PHF24: variants seen among roughly 807,000 people sequenced by gnomAD.
PHF24 encodes the protein PHD finger protein 24, also known as Galpha inhibitory interacting protein.
Under a neutral mutation model 42.6 loss-of-function variants are expected in PHF24, and 25 were observed. The observed-to-expected ratio is 0.59, with a 90% CI of 0.43 to 0.82. PHF24 has a LOEUF of 0.82. PHF24 is among the 40% of genes least tolerant of loss of function. The pLI is 0.00. For missense variants in PHF24, 470 were observed against 538.1 expected (o/e 0.87, Z 1.25); for synonymous variants, 185 against 204.8 (o/e 0.90, Z 0.83).
chr9:34,669,422 CCA>C, the PHF24 span, among the ~76,000 whole-genome samples: 2 of 151,860 alleles, frequency 1.3e-5, no homozygotes, highest in African/African-American at 4.8e-5. Flanking sequence ...AGGAGTGTTG[CCA>C]CACACACAAG....
At chr9:34,691,017 G>C in the PHF24 span, 28 of 1,327,852 alleles carry the variant, frequency 2.1e-5, no homozygotes, top group Non-Finnish European at 2.8e-5. Flanking sequence ...CCAGTGCCAA[G>C]CAATCTGAGA....
chr9:34,847,725 T>C, the PHF24 span, among the ~76,000 whole-genome samples: 2 of 152,014 alleles, frequency 1.3e-5, no homozygotes, highest in African/African-American at 4.8e-5. Context: ...CAGTGTGATA[T>C]TGGCTGTGGG....
chr9:34,688,570 C>A, the PHF24 span, among the ~76,000 whole-genome samples: 2 of 152,168 alleles, frequency 1.3e-5, no homozygotes, highest in African/African-American at 4.8e-5. Context: ...GCTTCCCTGG[C>A]TACTCCTTCT....
At chr9:34,846,318 G>T in the PHF24 span, among the ~76,000 whole-genome samples, 1 of 152,092 alleles carries the variant, frequency 6.6e-6, no homozygotes, top group African/African-American at 2.4e-5. Flanking sequence ...GTATCTCATT[G>T]TGGTTTTGAT....
chr9:34,865,143 CAA>C, the PHF24 span, among the ~76,000 whole-genome samples: 24 of 102,800 alleles, frequency 2.3e-4, no homozygotes, highest in African/African-American at 3.4e-4. Flanking sequence ...TGCGCCACTG[CAA>C]AAAAAAAAAA....
chr9:34,701,381 CG>C, the PHF24 span, among the ~76,000 whole-genome samples: 3 of 152,128 alleles, frequency 2.0e-5, no homozygotes, highest in Admixed American at 6.5e-5. The surrounding 1 kb of genome is among the most constrained non-coding windows in gnomAD (Gnocchi z 5.8). Context: ...TCTGGGCGAC[CG>C]GGGCATGTGT....
At chr9:34,874,371 A>T in the PHF24 span, among the ~76,000 whole-genome samples, 1 of 152,094 alleles carries the variant, frequency 6.6e-6, no homozygotes, top group Non-Finnish European at 1.5e-5. Context: ...ACTCTCAATA[A>T]ATTAGGTATT....
the PHF24 span, chr9:34,729,617 T>A: frequency 1.7e-6 from 1 of 575,470 alleles, no homozygotes; most frequent in Non-Finnish European, 2.9e-6. Flanking sequence ...ATGTGGTGAT[T>A]CAGTCTGTAG....
chr9:34,833,488 C>T, the PHF24 span: 2 of 1,551,046 alleles, frequency 1.3e-6, no homozygotes, highest in East Asian at 4.9e-5. Context: ...GGAGCAATGT[C>T]TCCCCTTGGT....
chr9:34,693,350 G>A, the PHF24 span, among the ~76,000 whole-genome samples: 1 of 152,220 alleles, frequency 6.6e-6, no homozygotes, highest in East Asian at 1.9e-4. Flanking sequence ...ATCAGTGGTG[G>A]AAGGAGAGAG....
chr9:34,828,274 G>C, the PHF24 span, among the ~76,000 whole-genome samples: 1 of 152,052 alleles, frequency 6.6e-6, no homozygotes, highest in Non-Finnish European at 1.5e-5. Context: ...ACCAGTGTCT[G>C]TACTTTTAGC....
the PHF24 span, among the ~76,000 whole-genome samples, chr9:34,934,550 C>G: frequency 6.6e-6 from 1 of 150,920 alleles, no homozygotes; most frequent in Admixed American, 6.6e-5. Context: ...CTACTCTCAG[C>G]AAAGGCTGAA....
chr9:34,974,294 C>T (rs1383021450), intron 3 of PHF24, among the ~76,000 whole-genome samples: 1 of 152,224 alleles, frequency 6.6e-6, no homozygotes, highest in African/African-American at 2.4e-5. Flanking sequence ...CAGTCACCTC[C>T]TAATTGTCAA....
chr9:34,723,978 G>A, the PHF24 span: 2 of 1,550,634 alleles, frequency 1.3e-6, no homozygotes, highest in African/African-American at 1.4e-5. Flanking sequence ...TTGTTTGGAA[G>A]CATCCCTGCT....
intron 1 of PHF24, among the ~76,000 whole-genome samples, chr9:34,961,259 T>A (rs909302241): frequency 4.6e-5 from 7 of 152,200 alleles, no homozygotes; most frequent in Non-Finnish European, 8.8e-5. Context: ...CCAAATTGAT[T>A]TATTCATTTC....
the PHF24 span, among the ~76,000 whole-genome samples, chr9:34,702,625 C>T: frequency 6.6e-6 from 1 of 152,242 alleles, no homozygotes; most frequent in South Asian, 2.1e-4. Flanking sequence ...CATACAATTC[C>T]CCTTAAAGTA....
chr9:34,853,517 G>A, the PHF24 span, among the ~76,000 whole-genome samples: 1 of 152,096 alleles, frequency 6.6e-6, no homozygotes, highest in Non-Finnish European at 1.5e-5. Context: ...CAATTGTTTG[G>A]AATAGATTCA....
chr9:34,820,220 G>T, the PHF24 span, among the ~76,000 whole-genome samples: 141 of 151,038 alleles, frequency 9.3e-4, no homozygotes, highest in South Asian at 1.7e-3. Flanking sequence ...TTTAAAATGG[G>T]TTTCTTTTTT....
the PHF24 span, among the ~76,000 whole-genome samples, chr9:34,771,516 A>C: frequency 6.6e-6 from 1 of 152,236 alleles, no homozygotes. Flanking sequence ...AATTACAAAG[A>C]TAGTACAGAG....
Sources: allele counts gnomAD v4.1 joint callset (sites outside exome capture counted in the v4.1 genomes callset), GRCh38; gene constraint gnomAD v4.1.1; non-coding constraint Gnocchi (gnomAD v3.1); transcripts MANE v1.5; gene names NCBI Gene and HGNC (gene_info 2026-07-23, HGNC 2026-07-21).